ACOXL: variants seen among roughly 807,000 people sequenced by gnomAD.
ACOXL encodes acyl-CoA oxidase like, also known as acyl-coenzyme A oxidase-like protein.
In ACOXL, 70 loss-of-function variants were observed where a neutral mutation model predicts 71.9. The ratio of observed to expected loss-of-function variants is 0.97; its 90% CI spans 0.80 to 1.19. The LOEUF is 1.19. ACOXL is among the 50% of genes most tolerant of loss of function. The pLI is 0.00. For missense variants in ACOXL, 703 were observed against 736.3 expected, an observed-to-expected ratio of 0.95 and a Z score of 0.52; for synonymous variants, 253 against 281.6, an observed-to-expected ratio of 0.90 and a Z score of 1.02.
At chr2:111,091,588 T>A (rs1011637595) in intron 16 of ACOXL, among the ~76,000 whole-genome samples, 3 of 152,174 alleles carry the variant, frequency 2.0e-5, no homozygotes, top group African/African-American at 7.2e-5. Context: ...GAATTTATGT[T>A]TTCAGTATGA....
At chr2:110,849,835 C>T (rs992252792) in intron 10 of ACOXL, among the ~76,000 whole-genome samples, 10 of 152,276 alleles carry the variant, frequency 6.6e-5, no homozygotes, top group East Asian at 3.9e-4. Context: ...TGGAAGACTT[C>T]CAGTACCTCA....
chr2:110,966,366 T>A (rs1184123689), intron 12 of ACOXL, among the ~76,000 whole-genome samples: 1 of 152,200 alleles, frequency 6.6e-6, no homozygotes, highest in Non-Finnish European at 1.5e-5. Context: ...AGCAGGGAGC[T>A]GAGTCTCTAC....
chr2:111,117,566 G>T, intron 17 of ACOXL, 50 bp from the exon 18 acceptor site: 1 of 1,540,204 alleles, frequency 6.5e-7, no homozygotes, highest in Non-Finnish European at 8.8e-7. Context: ...TCACTAGATG[G>T]CTGTAAGTGT....
chr2:111,113,045 G>C (rs1160093902), intron 17 of ACOXL: 3 of 152,262 alleles, frequency 2.0e-5, no homozygotes, highest in Non-Finnish European at 4.4e-5. Flanking sequence ...GGCACACACA[G>C]AATACAGATT....
intron 14 of ACOXL, among the ~76,000 whole-genome samples, chr2:111,011,643 G>A (rs1310434255): frequency 6.6e-6 from 1 of 152,154 alleles, no homozygotes; most frequent in Non-Finnish European, 1.5e-5. Context: ...AGCACTTTGG[G>A]AGGCTAAGGT....
intron 10 of ACOXL, among the ~76,000 whole-genome samples, chr2:110,849,040 C>T (rs959057082): frequency 1.4e-4 from 21 of 152,228 alleles, no homozygotes; most frequent in African/African-American, 4.8e-4. Context: ...TGAACTCACC[C>T]TCCAACAGCC....
intron 12 of ACOXL, among the ~76,000 whole-genome samples, chr2:110,975,690 T>C (rs2062413733): frequency 1.3e-5 from 2 of 151,626 alleles, no homozygotes; most frequent in South Asian, 4.2e-4. Flanking sequence ...AAACAAAAAC[T>C]AATTAGTAAC....
chr2:111,103,066 G>A (rs1306541478), intron 17 of ACOXL, among the ~76,000 whole-genome samples: 2 of 152,122 alleles, frequency 1.3e-5, no homozygotes, highest in East Asian at 3.9e-4. Context: ...TGAGGAGGGC[G>A]GATCACTTGA....
intron 9 of ACOXL, among the ~76,000 whole-genome samples, chr2:110,820,593 A>C (rs1049243378): frequency 7.9e-5 from 12 of 152,232 alleles, no homozygotes; most frequent in Middle Eastern, 6.8e-3. Context: ...GAAGAGGCTC[A>C]ATCTCCACAG....
At chr2:111,017,122 C>T (rs559693284) in intron 14 of ACOXL, among the ~76,000 whole-genome samples, 3 of 152,364 alleles carry the variant, frequency 2.0e-5, no homozygotes, top group African/African-American at 7.2e-5. Flanking sequence ...CACCGCACTA[C>T]AGTTTCTTGA....
At chr2:110,833,044 A>G (rs746249862) in intron 9 of ACOXL, among the ~76,000 whole-genome samples, 4 of 152,262 alleles carry the variant, frequency 2.6e-5, no homozygotes, top group Non-Finnish European at 4.4e-5. Context: ...ACTGCCATAT[A>G]ACTGAGCAAT....
chr2:110,898,306 G>T (rs910147392), intron 10 of ACOXL, among the ~76,000 whole-genome samples: 1 of 151,910 alleles, frequency 6.6e-6, no homozygotes, highest in Admixed American at 6.6e-5. Flanking sequence ...GAGAATGCAG[G>T]ACAATATTCT....
chr2:110,777,896 A>G (rs983950067), intron 2 of ACOXL, among the ~76,000 whole-genome samples: 1 of 152,234 alleles, frequency 6.6e-6, no homozygotes, highest in Non-Finnish European at 1.5e-5. Context: ...GTCCAAACAT[A>G]GAATGTGGGT....
At chr2:111,060,091 A>C (rs2066734111) in intron 16 of ACOXL, among the ~76,000 whole-genome samples, 1 of 152,176 alleles carries the variant, frequency 6.6e-6, no homozygotes, top group Non-Finnish European at 1.5e-5. Context: ...ATGCAACCTC[A>C]CCACTATGGT....
At chr2:110,945,433 A>T (rs143105232) in intron 12 of ACOXL, among the ~76,000 whole-genome samples, 10 of 151,708 alleles carry the variant, frequency 6.6e-5, no homozygotes, top group Non-Finnish European at 1.5e-4. Context: ...CTATGTCCAG[A>T]ATGGCATTTC....
chr2:110,902,078 T>G (rs1206553152), intron 10 of ACOXL, among the ~76,000 whole-genome samples: 4 of 151,240 alleles, frequency 2.6e-5, no homozygotes, highest in African/African-American at 9.7e-5. Flanking sequence ...CCCATGGGAA[T>G]GACAGGTAAA....
At chr2:110,886,619 T>C (rs1697331108) in intron 10 of ACOXL, among the ~76,000 whole-genome samples, 1 of 152,134 alleles carries the variant, frequency 6.6e-6, no homozygotes. Flanking sequence ...CCTCAGGTGA[T>C]CCACCCACCT....
At chr2:111,031,755 A>G (rs2065280978) in intron 15 of ACOXL, 41 bp downstream of exon 15, 2 of 1,593,082 alleles carry the variant, frequency 1.3e-6, no homozygotes, top group Non-Finnish European at 1.7e-6. Context: ...TGAGTGACTC[A>G]GGGGTCTACG....
chr2:110,929,715 C>T (rs1228769163), intron 11 of ACOXL, among the ~76,000 whole-genome samples: 1 of 152,202 alleles, frequency 6.6e-6, no homozygotes, highest in African/African-American at 2.4e-5. Context: ...GGTCTTCCTG[C>T]TGTGTGCAGC....
Sources: allele counts gnomAD v4.1 joint callset (sites outside exome capture counted in the v4.1 genomes callset), GRCh38; gene constraint gnomAD v4.1.1; transcripts MANE v1.5; gene names NCBI Gene and HGNC (gene_info 2026-07-23, HGNC 2026-07-21).